Variants in BARD1 observed in about 807,000 individuals in gnomAD.
The protein encoded by BARD1 is BRCA1-associated RING domain protein 1.
BARD1 carries 73 observed loss-of-function variants against 77.0 expected under a neutral mutation model. That is an observed-to-expected ratio of 0.95 (90% CI 0.79 to 1.15). The LOEUF is 1.15. Ranked by LOEUF, BARD1 falls within the 50% of genes most tolerant of loss-of-function variation. BARD1 has a pLI of 0.00. For missense variants in BARD1, 993 were observed against 938.8 expected, an observed-to-expected ratio of 1.06 and a Z score of -0.75; for synonymous variants, 384 against 338.0, an observed-to-expected ratio of 1.14 and a Z score of -1.49.
At chr2:214,793,330 T>C (rs564671912) in intron 2 of BARD1, among the ~76,000 whole-genome samples, 49 of 152,238 alleles carry the variant, frequency 3.2e-4, no homozygotes, top group African/African-American at 1.0e-3. Flanking sequence ...TCTGACAGAA[T>C]GTAACTCAAA....
intron 7 of BARD1, among the ~76,000 whole-genome samples, chr2:214,747,591 C>A (rs1693188045): frequency 2.0e-5 from 3 of 150,506 alleles, no homozygotes; most frequent in Admixed American, 2.0e-4. Context: ...TCATTCTCAG[C>A]AAACTATTGC....
chr2:214,790,589 A>G (rs1695468454), intron 3 of BARD1, among the ~76,000 whole-genome samples: 1 of 152,174 alleles, frequency 6.6e-6, no homozygotes, highest in South Asian at 2.1e-4. Context: ...GAGACAATAA[A>G]TATCTGTTGT....
chr2:214,800,338 T>C (rs190593288), intron 1 of BARD1, among the ~76,000 whole-genome samples: 121 of 152,138 alleles, frequency 8.0e-4, no homozygotes, highest in African/African-American at 2.4e-3. Context: ...CTTGTGTGTA[T>C]TGGGGGAGGG....
chr2:214,781,626 T>G, intron 3 of BARD1, 117 bp from the exon 4 acceptor site: 1 of 762,190 alleles, frequency 1.3e-6, no homozygotes. Context: ...ATTATGTACT[T>G]CTTTCTCAGC....
chr2:214,730,583 T>A (rs1433609307), intron 9 of BARD1, 75 bp from the exon 10 acceptor site: 23 of 1,226,194 alleles, frequency 1.9e-5, no homozygotes, highest in Non-Finnish European at 2.8e-5. Flanking sequence ...AATCAAGCAA[T>A]TTACCTAAGT....
rs146057571 is a variant in BARD1 at position 214,785,504 on chromosome 2, T to G, written c.365-3995A>C. ...GTACTAGTGAATAAATTATTTGATATCTCTTAAATCTTTCCAAATGTTTAC... is the reference window on the plus strand; with the variant it reads ...GTACTAGTGAATAAATTATTTGATAGCTCTTAAATCTTTCCAAATGTTTAC... On this transcript the variant is annotated intron_variant, in intron 3 of 10. Transcript: ENST00000260947. 5.7e-3 allele frequency among the ~76,000 whole-genome samples: 870 copies of G among 152,162 alleles called. 21 individuals are homozygous for G. The highest frequency in any genetic ancestry group is 0.019 in the African/African-American group (782 of 41,458).
chr2:214,739,030 T>C (rs1692692732), intron 9 of BARD1, among the ~76,000 whole-genome samples: 1 of 152,068 alleles, frequency 6.6e-6, no homozygotes, highest in Non-Finnish European at 1.5e-5. Context: ...GTGCCTGTAG[T>C]TCCAGCTACT....
chr2:214,747,135 G>T (rs1693160712), intron 7 of BARD1, among the ~76,000 whole-genome samples: 1 of 151,622 alleles, frequency 6.6e-6, no homozygotes, highest in African/African-American at 2.4e-5. Context: ...TCAGAGAAAT[G>T]CAAATCAAAA....
At chr2:214,777,339 A>T (rs1454969990) in intron 4 of BARD1, among the ~76,000 whole-genome samples, 1 of 152,128 alleles carries the variant, frequency 6.6e-6, no homozygotes, top group African/African-American at 2.4e-5. Flanking sequence ...TACGATGTTT[A>T]TTAATAATGT....
At chr2:214,769,123 G>C (rs1694351464) in intron 5 of BARD1, 109 bp downstream of exon 5, 1 of 890,978 alleles carries the variant, frequency 1.1e-6, no homozygotes, top group Admixed American at 2.4e-5. Context: ...AAGTTCTTCA[G>C]ACTAAAAAGA....
rs1457192337 is a variant in BARD1 at position 214,726,077 on chromosome 2, A to C, written c.*2599T>G. ...GTGGGGGGACCGATGAAATAAAGGA[A>C]AAATTCTATTTACTAAAATTCAAGT... On this transcript the variant is annotated 3_prime_UTR_variant, in exon 11 of 11. Coordinates refer to ENST00000260947, the MANE Select transcript of BARD1 (RefSeq NM_000465.4). 12 of 219,940 alleles carry C rather than the reference A, an allele frequency of 5.5e-5. No homozygotes were observed. In the Admixed American group the frequency reaches 6.9e-4, roughly 13 times the overall value. The allele number at this position is 219,940 out of a possible 1,614,324, so 13.6% of individuals were successfully genotyped here.
chr2:214,809,311 G>A, intron 1 of BARD1, 101 bp downstream of exon 1: 1 of 1,524,344 alleles, frequency 6.6e-7, no homozygotes, highest in Non-Finnish European at 8.9e-7. Context: ...CTGCAGCGCG[G>A]GAACGGAAGG....
chr2:214,767,901 T>C (rs1430220047), intron 5 of BARD1, among the ~76,000 whole-genome samples: 26 of 152,266 alleles, frequency 1.7e-4, no homozygotes, highest in Middle Eastern at 3.4e-3. Context: ...TCAAGCACTT[T>C]TCTGTTTTTT....
At chr2:214,799,422 G>A (rs537800665) in intron 1 of BARD1, among the ~76,000 whole-genome samples, 1 of 152,272 alleles carries the variant, frequency 6.6e-6, no homozygotes, top group South Asian at 2.1e-4. Context: ...TGAATAGATG[G>A]CTATTCAAAA....
intron 7 of BARD1, among the ~76,000 whole-genome samples, chr2:214,747,823 T>A (rs1284281208): frequency 6.6e-6 from 1 of 151,384 alleles, no homozygotes; most frequent in East Asian, 1.9e-4. Flanking sequence ...AACCTGCACG[T>A]TGTGCACATG....
At chr2:214,774,458 A>G (rs114281942) in intron 4 of BARD1, among the ~76,000 whole-genome samples, 7,986 of 152,308 alleles carry the variant, frequency 0.052, 232 homozygotes, top group Admixed American at 0.083. Flanking sequence ...TAATGTCCTT[A>G]TCTTCATCAG....
At chr2:214,781,596 C>A in intron 3 of BARD1, 87 bp from the exon 4 acceptor site, 1 of 1,014,594 alleles carries the variant, frequency 9.9e-7, no homozygotes, top group East Asian at 2.5e-5. Context: ...TACAGTTCCC[C>A]TAAAGTGTAT....
At chr2:214,731,745 T>C (rs74797091) in intron 9 of BARD1, among the ~76,000 whole-genome samples, 4,699 of 152,310 alleles carry the variant, frequency 0.031, 97 homozygotes, top group Middle Eastern at 0.061. Flanking sequence ...AGGAACCATA[T>C]ATTATTCACC....
intron 3 of BARD1, among the ~76,000 whole-genome samples, chr2:214,791,536 T>C (rs2121284): frequency 0.69 from 104,580 of 152,134 alleles, 36,195 homozygotes; most frequent in East Asian, 0.79. Context: ...ACATTTTACT[T>C]TCTTTCCACA....
Sources: gnomAD v4.1 joint callset for allele counts (sites outside exome capture counted in the v4.1 genomes callset) on GRCh38, gnomAD v4.1.1 for gene constraint, MANE v1.5 for transcripts, NCBI Gene and HGNC (gene_info 2026-07-23, HGNC 2026-07-21) for gene names.